Variants in CCDC88C observed in about 807,000 individuals in gnomAD.
CCDC88C encodes protein Daple.
Under a neutral mutation model 198.8 loss-of-function variants are expected in CCDC88C, and 131 were observed. That is an observed-to-expected ratio of 0.66 (90% CI 0.57 to 0.76). CCDC88C has a LOEUF of 0.76. CCDC88C is among the 30% of genes least tolerant of loss of function. CCDC88C has a pLI of 0.00. For missense variants in CCDC88C, 2,553 were observed against 2,631.6 expected (o/e 0.97, Z 0.65); for synonymous variants, 1,166 against 1,114.7 (o/e 1.05, Z -0.92).
At chr14:91,289,037 C>T in intron 25 of CCDC88C, 68 bp downstream of exon 25, 1 of 1,313,028 alleles carries the variant, frequency 7.6e-7, no homozygotes, top group Non-Finnish European at 1.1e-6. Flanking sequence ...GTGTGCACAG[C>T]CACCGGTGCG....
chr14:91,373,324 G>A (rs946194288), intron 3 of CCDC88C, among the ~76,000 whole-genome samples: 1 of 152,156 alleles, frequency 6.6e-6, no homozygotes, highest in African/African-American at 2.4e-5. Context: ...GGCAGGTCTG[G>A]CCCTGGGAGC....
chr14:91,368,999 C>T (rs1476804937), intron 3 of CCDC88C, among the ~76,000 whole-genome samples: 2 of 152,170 alleles, frequency 1.3e-5, no homozygotes, highest in Non-Finnish European at 2.9e-5. Context: ...TGCGAGGTGG[C>T]CAGGACAAGA....
At chr14:91,376,457 GC>G (rs1230141183) in intron 3 of CCDC88C, among the ~76,000 whole-genome samples, 11 of 152,162 alleles carry the variant, frequency 7.2e-5, no homozygotes, top group Non-Finnish European at 1.3e-4. Flanking sequence ...TAGGACCCCT[GC>G]CCCCCAGGAA....
At chr14:91,294,453 G>T in intron 22 of CCDC88C, 135 bp from the exon 23 acceptor site, 2 of 1,033,932 alleles carry the variant, frequency 1.9e-6, no homozygotes, top group South Asian at 1.5e-5. Flanking sequence ...TGGAAACTTG[G>T]AAAGGGCCAA....
At chr14:91,340,654 G>T (rs1486538780) in intron 6 of CCDC88C, among the ~76,000 whole-genome samples, 3 of 152,052 alleles carry the variant, frequency 2.0e-5, no homozygotes, top group Non-Finnish European at 4.4e-5. Context: ...TCCATTTCGA[G>T]CTCTTCTCCT....
At chr14:91,361,958 G>A (rs1894324160) in intron 3 of CCDC88C, among the ~76,000 whole-genome samples, 1 of 152,182 alleles carries the variant, frequency 6.6e-6, no homozygotes. Flanking sequence ...TCCAGGCTGG[G>A]TGCAGAGGCT....
intron 13 of CCDC88C, among the ~76,000 whole-genome samples, chr14:91,316,250 C>T (rs1423060529): frequency 6.6e-6 from 1 of 152,212 alleles, no homozygotes; most frequent in Non-Finnish European, 1.5e-5. Flanking sequence ...CCTCACAGGC[C>T]AGGCCACATT....
chr14:91,353,798 G>A (rs1229247343), intron 4 of CCDC88C, among the ~76,000 whole-genome samples: 1 of 152,202 alleles, frequency 6.6e-6, no homozygotes. Flanking sequence ...GCCGCTGAAC[G>A]GCAATTAATG....
At chr14:91,304,749 A>C (rs1009610413) in intron 19 of CCDC88C, among the ~76,000 whole-genome samples, 2 of 152,360 alleles carry the variant, frequency 1.3e-5, no homozygotes, top group East Asian at 3.9e-4. Flanking sequence ...ACTGAAGAGG[A>C]GGGAATACTT....
Position 91,313,264 on chromosome 14 carries a change from T to A in CCDC88C, c.2552A>T (p.Lys851Met). The A allele has an allele frequency of 6.2e-7, 1 of 1,614,026 alleles. No individual in the cohort carries two copies. Residue 851 changes from lysine (K) to methionine (M), a missense_variant, in exon 15 of 30, where the codon AAG (lysine) becomes ATG (methionine). Physicochemically the swap from Lys to Met is moderately conservative, Grantham distance 95. Coordinates refer to ENST00000389857, the MANE Select transcript of CCDC88C (RefSeq NM_001080414.4). The surrounding 1 kb of genome is among the most constrained non-coding windows in gnomAD (Gnocchi z 5.2). Reference sequence around the variant, plus strand: ...AGTGCTATCGTCCAAGACTGCATCCTTGAGCTCCACCTGCTGCCACAGCCG... The same window carrying A: ...AGTGCTATCGTCCAAGACTGCATCCATGAGCTCCACCTGCTGCCACAGCCG... ...AKRLWQQVEL[K>M]DAVLDDSTAK...
At chr14:91,312,983 G>T in intron 15 of CCDC88C, 97 bp downstream of exon 15, 1 of 906,450 alleles carries the variant, frequency 1.1e-6, no homozygotes, top group South Asian at 1.8e-5. Flanking sequence ...CATTTAAGGA[G>T]GACACAGAGT....
Position 91,352,070 on chromosome 14 carries a change from G to A in CCDC88C, c.340+7572C>T, listed in dbSNP as rs754943204. Among the ~76,000 whole-genome samples, 5 of 152,190 alleles carry A rather than the reference G, an allele frequency of 3.3e-5. No individual in the cohort carries two copies. In the East Asian group the frequency reaches 5.8e-4, roughly 18 times the overall value. On this transcript the variant is annotated intron_variant, in intron 4 of 29. Coordinates refer to ENST00000389857, the MANE Select transcript of CCDC88C (RefSeq NM_001080414.4). This position sits in a 1 kb window ranked among gnomAD's most constrained non-coding sequence, Gnocchi z 4.2. ...CGAGGAGCTAGGGCAGGCAGGGGAC[G>A]CTCTGGGAAAGGGTCCCTCCCAACC...
At position 91,284,303 on chromosome 14, in the gene CCDC88C, C is replaced by T. The variant is rs769611363; in HGVS notation, c.4442-786G>A. 1.3e-5 allele frequency among the ~76,000 whole-genome samples: 2 copies of T among 152,168 alleles called. No homozygotes were observed. The highest frequency in any genetic ancestry group is 2.1e-4 in the South Asian group (1 of 4,822). On this transcript the variant is annotated intron_variant, in intron 25 of 29. Coordinates refer to ENST00000389857, the MANE Select transcript of CCDC88C (RefSeq NM_001080414.4). This position sits in a 1 kb window ranked among gnomAD's most constrained non-coding sequence, Gnocchi z 4.1. ...AGAGCCAGGACTCACTGTTGCAGTTCGGCTTCTCCACCCATCAAGCCGTCT... is the reference window on the plus strand; with the variant it reads ...AGAGCCAGGACTCACTGTTGCAGTTTGGCTTCTCCACCCATCAAGCCGTCT...
intron 26 of CCDC88C, 120 bp downstream of exon 26, chr14:91,283,209 C>T: frequency 2.9e-6 from 3 of 1,029,556 alleles, no homozygotes; most frequent in Middle Eastern, 3.1e-4. Flanking sequence ...AGCCTCACCC[C>T]TCTACTCACC....
Position 91,339,738 on chromosome 14 carries a change from C to T in CCDC88C, c.624+146G>A. ...CCGAGGTGACCATGCACTGCAGGGG[C>T]CGTAACCAGGGAAAGCACGCACGTC... On this transcript the variant is annotated intron_variant, in intron 7 of 29. Coordinates refer to ENST00000389857, the MANE Select transcript of CCDC88C (RefSeq NM_001080414.4). The surrounding 1 kb of genome is among the most constrained non-coding windows in gnomAD (Gnocchi z 5.8). 1 of 1,055,482 alleles carries T rather than the reference C, an allele frequency of 9.5e-7. No homozygotes were observed. Among genetic ancestry groups the T allele is most frequent in the Non-Finnish European group, 1.3e-6 (1 of 751,836 alleles). 65.4% of individuals were successfully genotyped at this position (1,055,482 alleles called of 1,614,324 possible).
At chr14:91,356,424 C>G (rs1298478856) in intron 4 of CCDC88C, among the ~76,000 whole-genome samples, 1 of 152,130 alleles carries the variant, frequency 6.6e-6, no homozygotes, top group African/African-American at 2.4e-5. Flanking sequence ...TTATTCCCGT[C>G]CTTCACTTTC....
chr14:91,349,302 T>G (rs1893682806), intron 4 of CCDC88C, among the ~76,000 whole-genome samples: 1 of 152,230 alleles, frequency 6.6e-6, no homozygotes, highest in African/African-American at 2.4e-5. Context: ...GAATAACCTT[T>G]GAGCTGAGTT....
intron 3 of CCDC88C, chr14:91,408,306 G>T (rs1367188522): frequency 8.2e-6 from 2 of 244,944 alleles, no homozygotes; most frequent in Non-Finnish European, 1.6e-5. Context: ...CTGAGCCAGG[G>T]GCTGCGGATA....
chr14:91,292,793 C>G (rs898781974), intron 23 of CCDC88C, among the ~76,000 whole-genome samples: 1 of 152,158 alleles, frequency 6.6e-6, no homozygotes, highest in Non-Finnish European at 1.5e-5. Flanking sequence ...CTCGATTCCT[C>G]GACTTCTGAA....
Sources: gnomAD v4.1 joint callset for allele counts (sites outside exome capture counted in the v4.1 genomes callset) on GRCh38, gnomAD v4.1.1 for gene constraint, Gnocchi (gnomAD v3.1) non-coding constraint, MANE v1.5 for transcripts, NCBI Gene and HGNC (gene_info 2026-07-23, HGNC 2026-07-21) for gene names.